Variants in FASTK observed in about 807,000 individuals in gnomAD.
FASTK encodes Fas activated serine/threonine kinase.
FASTK carries 28 observed loss-of-function variants against 60.0 expected under a neutral mutation model. The ratio of observed to expected loss-of-function variants is 0.47; its 90% CI spans 0.35 to 0.64. FASTK has a LOEUF of 0.64. Ranked by LOEUF, FASTK falls within the 30% of genes least tolerant of loss-of-function variation. The pLI is 0.01. For synonymous variants in FASTK, 325 were observed against 307.9 expected, an observed-to-expected ratio of 1.06 and a Z score of -0.58; for missense variants, 595 against 713.8, an observed-to-expected ratio of 0.83 and a Z score of 1.90.
chr7:151,078,846 C>T lies in FASTK; in HGVS notation c.681G>A (p.Leu227=). Residue 227 remains leucine (L), a synonymous_variant, in exon 3 of 10, where the codon CTG becomes CTA. Transcript: ENST00000297532. ...GATTTTAACCCCCTCCAGCACCTGC[C>T]AGGCTGCTGATCAGATGCTGCCGTG... ...RYPRQHLISS[L]AEARPEELTP... 1.9e-6 allele frequency: 3 copies of T among 1,608,496 alleles called. No homozygotes were observed. The highest frequency in any genetic ancestry group is 1.1e-5 in the South Asian group (1 of 90,494).
At chr7:151,080,035 T>C (rs1797901685) in intron 1 of FASTK, 113 bp from the exon 2 acceptor site, 3 of 926,040 alleles carry the variant, frequency 3.2e-6, no homozygotes, top group Non-Finnish European at 4.8e-6. Context: ...AGCAAGCCTT[T>C]GTGACTGCTC....
In FASTK at chr7:151,078,065, C is replaced by A; in HGVS notation, c.853G>T (p.Gly285Trp). The change falls in exon 5 of 10, where the codon GGG becomes TGG. Residue 285 changes from glycine to tryptophan, a missense_variant. By Grantham distance (184) the Gly-to-Trp change is radical (BLOSUM62 -2). Transcript: ENST00000297532. ...KVVQKLVLPF[G>W]RLNYLPLEQQ... ...TCCAGGGGCAGGTAGTTCAGTCGCC[C>A]AAAGGGCAGGACCAACTTCTGTACC... The A allele has an allele frequency of 6.3e-7, 1 of 1,597,934 alleles. No homozygotes were observed. The highest frequency in any genetic ancestry group is 1.7e-4 in the Middle Eastern group (1 of 6,016).
At chr7:151,080,219 C>T (rs573780639) in intron 1 of FASTK, 4 of 401,654 alleles carry the variant, frequency 1.0e-5, no homozygotes, top group Admixed American at 4.2e-5. Context: ...CTCATTTCAC[C>T]GGTGGAGAAA....
chr7:151,080,009 G>C, intron 1 of FASTK, 87 bp from the exon 2 acceptor site: 1 of 1,212,646 alleles, frequency 8.2e-7, no homozygotes, highest in Non-Finnish European at 1.1e-6. Context: ...TCCTCATTTA[G>C]GGGGCCTGTG....
intron 1 of FASTK, chr7:151,080,351 C>A: frequency 1.4e-6 from 1 of 707,404 alleles, no homozygotes; most frequent in Non-Finnish European, 1.9e-6. Context: ...CTCCCTCTCC[C>A]ACAGGAGGCG....
intron 2 of FASTK, 65 bp downstream of exon 2, chr7:151,079,435 T>C (rs1797857331): frequency 1.2e-5 from 18 of 1,464,130 alleles, no homozygotes; most frequent in South Asian, 2.7e-5. Context: ...CGTGGTCCTC[T>C]ACTGTTCTCC....
intron 2 of FASTK, 116 bp from the exon 3 acceptor site, chr7:151,079,137 G>GGCTTCGGAGGGAGGCGGAGCCTTCGCTCC: frequency 1.0e-6 from 1 of 970,754 alleles, no homozygotes; most frequent in Non-Finnish European, 1.5e-6. Flanking sequence ...GCGGGAAGGT[G>GGCTTCGGAGGGAGGCGGAGCCTTCGCTCC]TGCTAGAGTT....
chr7:151,078,796 C>T, intron 3 of FASTK, 46 bp downstream of exon 3: 1 of 1,608,544 alleles, frequency 6.2e-7, no homozygotes, highest in Non-Finnish European at 8.5e-7. Flanking sequence ...CTTCCTCCTC[C>T]TGTCAGCCCT....
chr7:151,077,233 A>T lies in FASTK; in HGVS notation c.1295T>A (p.Phe432Tyr). Reference protein sequence around the residue: ...LTVPPGYCTDFLLCASSSGAV... With the variant: ...LTVPPGYCTDYLLCASSSGAV... The stretch of plus-strand genomic sequence containing the variant: ...ACCAGAGCTGCTGGCGCACAGCAGG[A>T]AGTCTGGAGGGGAGCAGGGCCGGCG... Residue 432 changes from phenylalanine to tyrosine, a missense_variant, in exon 8 of 10, where the codon TTC (phenylalanine) becomes TAC (tyrosine). By Grantham distance (22) the Phe-to-Tyr change is conservative. Transcript: ENST00000297532. The T allele has an allele frequency of 3.7e-6, 6 of 1,612,600 alleles. No individual in the cohort carries two copies. The highest frequency in any genetic ancestry group is 5.1e-6 in the Non-Finnish European group (6 of 1,179,502).
Position 151,077,339 on chromosome 7 carries a change from T to A in FASTK, c.1262A>T (p.Asp421Val). 6.2e-7 allele frequency: 1 copy of A among 1,613,084 alleles called. No homozygotes were observed. The change falls in exon 7 of 10, where the codon GAC becomes GTC. Residue 421 changes from aspartate to valine, a missense_variant. Physicochemically the swap from Asp to Val is radical, Grantham distance 152. Coordinates refer to ENST00000297532, the MANE Select transcript of FASTK (RefSeq NM_006712.5). Reference protein sequence around the residue: ...QLLGEEKYRQDLTVPPGYCTD... With the variant: ...QLLGEEKYRQVLTVPPGYCTD... Reference sequence around the variant, plus strand: ...GCAGTAGCCTGGAGGCACAGTCAGGTCCTGGCGGTATTTCTCCTCCCCCAG... The same window carrying A: ...GCAGTAGCCTGGAGGCACAGTCAGGACCTGGCGGTATTTCTCCTCCCCCAG...
At position 151,080,077 on chromosome 7, in the gene FASTK, C is replaced by T. The variant is rs79828784; in HGVS notation, c.83-155G>A. On this transcript the variant is annotated intron_variant, in intron 1 of 9. Coordinates refer to ENST00000297532, the MANE Select transcript of FASTK (RefSeq NM_006712.5). ...TCTTCCCCACCCCGCCCCTCTGCCT[C>T]CTTCCACGCCTTTGAAACAGCAATC... 3,333 of 643,468 alleles carry T rather than the reference C, an allele frequency of 5.2e-3. 19 individuals carry two copies. Among genetic ancestry groups the T allele is most frequent in the Middle Eastern group, 0.019 (46 of 2,374 alleles). The allele number at this position is 643,468 out of a possible 1,614,324, so 39.9% of individuals were successfully genotyped here. A position where few individuals can be genotyped will look rare whatever the true frequency, so the allele number is the denominator to read the frequency against.
intron 6 of FASTK, 47 bp from the exon 7 acceptor site, chr7:151,077,448 C>T (rs1246077393): frequency 1.3e-6 from 2 of 1,589,240 alleles, no homozygotes; most frequent in Admixed American, 1.7e-5. Flanking sequence ...GCACCTCATC[C>T]TAATCTGTCC....
rs1797949958 is a variant in FASTK at position 151,080,798 on chromosome 7, C to T, written c.-32G>A. 4.8e-6 allele frequency: 6 copies of T among 1,240,348 alleles called. No individual in the cohort carries two copies. The East Asian group carries it at 1.6e-4, about 33-fold the overall frequency. 76.8% of individuals were successfully genotyped at this position (1,240,348 alleles called of 1,614,324 possible). ...GCCACCGAGTCCGCCATCTTCCCAG[C>T]AGCCCCTAGATAGCCGCCCGGACGC... On this transcript the variant is annotated 5_prime_UTR_variant, in exon 1 of 10. Transcript: ENST00000297532.
chr7:151,077,649 T>A lies in FASTK; in HGVS notation c.1171A>T (p.Ile391Phe). 1 of 1,563,178 alleles carries A rather than the reference T, an allele frequency of 6.4e-7. No individual in the cohort carries two copies. Among genetic ancestry groups the A allele is most frequent in the Non-Finnish European group, 8.7e-7 (1 of 1,154,548 alleles). Reference protein sequence around the residue: ...QQVPIFPQPLITDRARCKYSH... With the variant: ...QQVPIFPQPLFTDRARCKYSH... ...TACTTGCAGCGGGCACGGTCGGTGA[T>A]GAGAGGCTGGGGAAAGATGGGCACT... The change falls in exon 6 of 10, where the codon ATC becomes TTC. Residue 391 changes from isoleucine (I) to phenylalanine (F), a missense_variant. Ile to Phe is a conservative substitution (Grantham distance 21, BLOSUM62 0). Around this residue, in one of 2 missense-constraint regions of FASTK, gnomAD observed 471 missense variants for 605.9 expected, o/e 0.78. Coordinates refer to ENST00000297532, the MANE Select transcript of FASTK (RefSeq NM_006712.5).
rs77703662 is a variant in FASTK at position 151,077,941 on chromosome 7, C to T, written c.977G>A (p.Arg326Gln). The T allele has an allele frequency of 1.5e-5, 24 of 1,613,862 alleles. No homozygotes were observed. The highest frequency in any genetic ancestry group is 3.3e-5 in the Admixed American group (2 of 60,020). The change falls in exon 5 of 10, where the codon CGG (arginine) becomes CAG (glutamine). Residue 326 changes from arginine to glutamine, a missense_variant. Arg to Gln is a conservative substitution (Grantham distance 43). Coordinates refer to ENST00000297532, the MANE Select transcript of FASTK (RefSeq NM_006712.5). The stretch of plus-strand genomic sequence containing the variant: ...GTGCAGGGCTCTGAAGGGCAGGCAC[C>T]GCAGTTGGCACAGTGACATCAAGAT... ...VNILMSLCQLRCLPFRALHFV... is the reference protein window; with the variant it reads ...VNILMSLCQLQCLPFRALHFV...
Position 151,077,512 on chromosome 7 carries a change from T to C in FASTK, c.1199+109A>G. The C allele has an allele frequency of 2.0e-6, 3 of 1,510,476 alleles. No homozygotes were observed. In the East Asian group the frequency reaches 7.0e-5, roughly 35 times the overall value. 93.6% of individuals were successfully genotyped at this position (1,510,476 alleles called of 1,614,324 possible). A position where few individuals can be genotyped will look rare whatever the true frequency, so the allele number is the denominator to read the frequency against. ...CCCTCTGCTGCTTCAGGGCCCAGTT[T>C]TATGGTGGCCGAGAGCTCCTTAGCT... On this transcript the variant is annotated intron_variant, in intron 6 of 9. Transcript: ENST00000297532.
chr7:151,077,158 C>G lies in FASTK; in HGVS notation c.1370G>C (p.Arg457Thr). 6.2e-7 allele frequency: 1 copy of G among 1,613,360 alleles called. No homozygotes were observed. The highest frequency in any genetic ancestry group is 1.1e-5 in the South Asian group (1 of 91,032). Reference protein sequence around the residue: ...TQDPFLPYPPRSCPQGQAASS... With the variant: ...TQDPFLPYPPTSCPQGQAASS... Reference sequence around the variant, plus strand: ...GGCAGCCTGGCCCTGTGGGCAGGACCTTGGTGGGTATGGCAGGAAGGGGTC... The same window carrying G: ...GGCAGCCTGGCCCTGTGGGCAGGACGTTGGTGGGTATGGCAGGAAGGGGTC... Residue 457 changes from arginine to threonine, a missense_variant, in exon 8 of 10, where the codon AGG (arginine) becomes ACG (threonine). Transcript: ENST00000297532.
At chr7:151,078,324 G>C (rs529142500) in intron 4 of FASTK, among the ~76,000 whole-genome samples, 1 of 152,210 alleles carries the variant, frequency 6.6e-6, no homozygotes, top group African/African-American at 2.4e-5. Flanking sequence ...CTTCGAGAGG[G>C]ATGGGTGGAG....
chr7:151,077,208 A>T lies in FASTK; in HGVS notation c.1320T>A (p.Gly440=). Residue 440 remains glycine, a synonymous_variant, in exon 8 of 10, where the codon GGT becomes GGA. Coordinates refer to ENST00000297532, the MANE Select transcript of FASTK (RefSeq NM_006712.5). ...CCTGGGTCCTCACGGGAAGCACAGC[A>T]CCAGAGCTGCTGGCGCACAGCAGGA... ...TDFLLCASSS[G]AVLPVRTQDP... The T allele has an allele frequency of 6.2e-7, 1 of 1,612,842 alleles. No individual in the cohort carries two copies. The highest frequency in any genetic ancestry group is 8.5e-7 in the Non-Finnish European group (1 of 1,179,654).
Sources: allele counts gnomAD v4.1 joint callset (sites outside exome capture counted in the v4.1 genomes callset), GRCh38; gene constraint gnomAD v4.1.1; regional missense constraint gnomAD v4.1.1; transcripts MANE v1.5; gene names NCBI Gene and HGNC (gene_info 2026-07-23, HGNC 2026-07-21).